MGAT4C: variants seen among roughly 807,000 people sequenced by gnomAD.
MGAT4C encodes alpha-1,3-mannosyl-glycoprotein 4-beta-N-acetylglucosaminyltransferase C.
A neutral mutation model predicts 40.1 loss-of-function variants in MGAT4C; 19 were observed. The observed-to-expected ratio is 0.47, with a 90% CI of 0.33 to 0.70. The LOEUF (loss-of-function observed/expected upper bound fraction) is 0.70, where lower values mean the gene tolerates loss of function less well. MGAT4C is among the 30% of genes least tolerant of loss of function. The pLI, the probability that MGAT4C is intolerant of heterozygous loss-of-function variation, is 0.02. For synonymous variants in MGAT4C, 181 were observed against 187.1 expected, an observed-to-expected ratio of 0.97 and a Z score of 0.27; for missense variants, 491 against 563.2, an observed-to-expected ratio of 0.87 and a Z score of 1.30.
At chr12:86,619,743 A>G (rs1466684818) in intron 2 of MGAT4C, among the ~76,000 whole-genome samples, 1 of 152,072 alleles carries the variant, frequency 6.6e-6, no homozygotes. Context: ...AAAAAATACT[A>G]CTAGCTAGTG....
intron 2 of MGAT4C, among the ~76,000 whole-genome samples, chr12:86,610,047 A>T (rs552534945): frequency 6.6e-6 from 1 of 152,172 alleles, no homozygotes; most frequent in Non-Finnish European, 1.5e-5. Context: ...TTTGCTAAAA[A>T]TTTTTTGAAC....
At chr12:86,473,430 A>G (rs939300342) in intron 2 of MGAT4C, among the ~76,000 whole-genome samples, 1 of 152,214 alleles carries the variant, frequency 6.6e-6, no homozygotes, top group Non-Finnish European at 1.5e-5. Flanking sequence ...TCCCATTAGA[A>G]CATTTATCAC....
intron 4 of MGAT4C, among the ~76,000 whole-genome samples, chr12:86,277,665 A>G (rs938991992): frequency 5.3e-5 from 8 of 152,062 alleles, no homozygotes; most frequent in Non-Finnish European, 7.4e-5. Flanking sequence ...CCTTTACCCA[A>G]TTGTGTTCTT....
upstream of MGAT4C, among the ~76,000 whole-genome samples, chr12:86,260,001 T>A (rs1427878120): frequency 2.1e-5 from 2 of 94,572 alleles, no homozygotes; most frequent in Non-Finnish European, 4.5e-5. Flanking sequence ...CCAATTTTAA[T>A]GTAGGCATTT....
At chr12:86,051,051 T>TC (rs1892844932) in intron 1 of MGAT4C, among the ~76,000 whole-genome samples, 1 of 151,340 alleles carries the variant, frequency 6.6e-6, no homozygotes, top group Admixed American at 6.6e-5. Flanking sequence ...CATTGTGTAT[T>TC]TGGTCACAGC....
intron 1 of MGAT4C, among the ~76,000 whole-genome samples, chr12:86,062,272 G>A (rs1894067214): frequency 6.6e-6 from 1 of 152,170 alleles, no homozygotes; most frequent in Non-Finnish European, 1.5e-5. Flanking sequence ...CAGCAGACCT[G>A]CAGCAGAGGG....
At chr12:86,471,303 G>A (rs1317191298) in intron 2 of MGAT4C, among the ~76,000 whole-genome samples, 1 of 151,920 alleles carries the variant, frequency 6.6e-6, no homozygotes, top group East Asian at 1.9e-4. Flanking sequence ...AGTTTTCAAT[G>A]TACATGAATG....
At chr12:86,287,199 C>A (rs1398562665) in intron 4 of MGAT4C, among the ~76,000 whole-genome samples, 1 of 152,054 alleles carries the variant, frequency 6.6e-6, no homozygotes, top group Non-Finnish European at 1.5e-5. Context: ...ACATTCCCAC[C>A]CTACACACAC....
intron 2 of MGAT4C, among the ~76,000 whole-genome samples, chr12:86,449,863 C>T (rs1484349418): frequency 2.6e-5 from 4 of 151,998 alleles, no homozygotes; most frequent in Non-Finnish European, 4.4e-5. Context: ...TATTTTTGTT[C>T]ATTAATAATT....
chr12:86,590,779 T>G (rs891808390), intron 2 of MGAT4C, among the ~76,000 whole-genome samples: 7 of 151,938 alleles, frequency 4.6e-5, no homozygotes, highest in African/African-American at 1.7e-4. Flanking sequence ...TCAGCAGAAC[T>G]CCCTCCTGCT....
At chr12:86,134,079 T>C (rs1427942403) in intron 1 of MGAT4C, among the ~76,000 whole-genome samples, 1 of 152,120 alleles carries the variant, frequency 6.6e-6, no homozygotes, top group Non-Finnish European at 1.5e-5. Flanking sequence ...TCACATTATT[T>C]CTAGTTATGT....
At chr12:85,983,459 A>G in intron 4 of MGAT4C, 64 bp downstream of exon 4, 2 of 1,365,266 alleles carry the variant, frequency 1.5e-6, no homozygotes, top group Non-Finnish European at 2.0e-6. Context: ...TACATGTGAA[A>G]CTATCATTAT....
intron 2 of MGAT4C, among the ~76,000 whole-genome samples, chr12:86,508,312 G>A (rs2136344040): frequency 6.6e-6 from 1 of 152,024 alleles, no homozygotes; most frequent in East Asian, 1.9e-4. Context: ...TGCGGTGTTT[G>A]GTTTTTTGTT....
chr12:86,001,296 A>G (rs1455546320), intron 2 of MGAT4C, among the ~76,000 whole-genome samples: 1 of 152,192 alleles, frequency 6.6e-6, no homozygotes, highest in East Asian at 1.9e-4. Flanking sequence ...TGTTGTATTC[A>G]GCATTGAGAA....
At chr12:86,544,745 T>C (rs867254615) in intron 2 of MGAT4C, among the ~76,000 whole-genome samples, 1 of 152,096 alleles carries the variant, frequency 6.6e-6, no homozygotes, top group African/African-American at 2.4e-5. Context: ...AAGAAAGACA[T>C]AGCATAGGAT....
chr12:86,760,381 G>T (rs1951382727), intron 1 of MGAT4C, among the ~76,000 whole-genome samples: 1 of 151,708 alleles, frequency 6.6e-6, no homozygotes. Context: ...TTTTGTTTTT[G>T]TTTTTGTTTT....
rs1183152767 is a variant in MGAT4C, at chr12:86,221,785, C to T, written c.-57+34454G>A. ...TTTTCTATCTACAAATACTACCTGC[C>T]CACATTGCCATGTGAAGCTGTCTGA... is the stretch of plus-strand genomic sequence containing the variant. On this transcript the variant is annotated intron_variant, in intron 1 of 4. Coordinates refer to ENST00000611864, the MANE Select transcript of MGAT4C (RefSeq NM_001351288.2). 4.6e-5 allele frequency among the ~76,000 whole-genome samples: 7 copies of T among 152,178 alleles called. No homozygotes were observed. In the South Asian group the frequency reaches 1.5e-3, roughly 32 times the overall value.
rs192414958 is a variant in MGAT4C at position 85,964,625 on chromosome 12, A to G, written c.*14664T>C. On this transcript the variant is annotated 3_prime_UTR_variant, in exon 5 of 5. Transcript: ENST00000611864. Reference sequence around the variant, plus strand: ...GGTAAGATACTCTTATCCTACATATACGCCAGAAAAATTGCTTCTCCTCTG... The same window carrying G: ...GGTAAGATACTCTTATCCTACATATGCGCCAGAAAAATTGCTTCTCCTCTG... 6.6e-6 allele frequency: 1 copy of G among 152,318 alleles called. No homozygotes were observed. The highest frequency in any genetic ancestry group is 1.9e-4 in the East Asian group (1 of 5,178). The allele number at this position is 152,318 out of a possible 1,614,324, so 9.4% of individuals were successfully genotyped here. A position where few individuals can be genotyped will look rare whatever the true frequency, so the allele number is the denominator to read the frequency against.
chr12:86,813,357 G>A (rs370737577), intron 1 of MGAT4C, among the ~76,000 whole-genome samples: 86 of 151,748 alleles, frequency 5.7e-4, no homozygotes, highest in African/African-American at 1.7e-3. Flanking sequence ...GTCAAAATTC[G>A]TGCGTTTTTA....
Sources: gnomAD v4.1 joint callset for allele counts (sites outside exome capture counted in the v4.1 genomes callset) on GRCh38, gnomAD v4.1.1 for gene constraint, MANE v1.5 for transcripts, NCBI Gene and HGNC (gene_info 2026-07-23, HGNC 2026-07-21) for gene names.